TTN: variants seen among roughly 807,000 people sequenced by gnomAD.
TTN encodes the protein titin, also known as connectin.
TTN carries 1,525 observed loss-of-function variants against 3,223.0 expected under a neutral mutation model. The observed-to-expected ratio is 0.47, with a 90% CI of 0.45 to 0.49. TTN has a LOEUF of 0.49. TTN is among the 20% of genes least tolerant of loss of function. The pLI is 0.00. For synonymous variants in TTN, 14,094 were observed against 15,161.0 expected (o/e 0.93, Z 5.17); for missense variants, 40,786 against 43,424.0 (o/e 0.94, Z 5.40).
intron 47 of TTN, chr2:178,750,302 A>G (rs750404581): frequency 1.2e-6 from 2 of 1,613,188 alleles, no homozygotes; most frequent in African/African-American, 2.7e-5. Flanking sequence ...TTTTGCTTTC[A>G]CTTTAAGCAT....
In TTN at chr2:178,599,195, G is replaced by A; in HGVS notation, c.56598C>T (p.Gly18866=). 6.6e-7 allele frequency: 1 copy of A among 1,513,436 alleles called. No homozygotes were observed. Among genetic ancestry groups the A allele is most frequent in the Non-Finnish European group, 8.8e-7 (1 of 1,135,466 alleles). 93.8% of individuals were successfully genotyped at this position (1,513,436 alleles called of 1,614,324 possible). Residue 18866 remains glycine (G), a synonymous_variant, in exon 290 of 363, where the codon GGC becomes GGT. Transcript: ENST00000589042. ...VFRIMAQNKY[G]IGEPLDSEPE... is the part of the protein sequence containing the mutation. ...GTTCACTGTCAAGAGGTTCTCCAATGCCATATTTATTCTGGGCCATGATTC... is the reference window on the plus strand; with the variant it reads ...GTTCACTGTCAAGAGGTTCTCCAATACCATATTTATTCTGGGCCATGATTC...
intron 344 of TTN, among the ~76,000 whole-genome samples, chr2:178,544,933 G>A (rs1397830657): frequency 6.6e-6 from 1 of 152,072 alleles, no homozygotes; most frequent in Non-Finnish European, 1.5e-5. Context: ...TTCCTTTATA[G>A]TTCTTGGGCT....
intron 139 of TTN, 87 bp from the exon 140 acceptor site, chr2:178,680,142 GAAGA>G: frequency 6.3e-7 from 1 of 1,580,966 alleles, no homozygotes. Context: ...ATTTATAACA[GAAGA>G]AAGGACAAGA....
chr2:178,713,026 T>C, intron 93 of TTN, 51 bp from the exon 94 acceptor site: 1 of 1,605,282 alleles, frequency 6.2e-7, no homozygotes, highest in East Asian at 2.2e-5. Context: ...TGAATTGTTA[T>C]GACAAACATG....
At chr2:178,762,351 T>G (rs1201155022) in intron 43 of TTN, among the ~76,000 whole-genome samples, 1 of 152,220 alleles carries the variant, frequency 6.6e-6, no homozygotes. Flanking sequence ...AATGATCTTC[T>G]CAGTTTACAA....
chr2:178,665,343 T>C, intron 165 of TTN, 34 bp downstream of exon 165: 1 of 1,579,506 alleles, frequency 6.3e-7, no homozygotes, highest in South Asian at 1.1e-5. Flanking sequence ...GGACAGATAA[T>C]TTCTTCTTCC....
At position 178,775,217 on chromosome 2, in the gene TTN, TG is replaced by T. The variant is rs1272578253; in HGVS notation, c.6509-16del. 4 of 1,613,374 alleles carry T rather than the reference TG, an allele frequency of 2.5e-6. No homozygotes were observed. The highest frequency in any genetic ancestry group is 3.4e-6 in the Non-Finnish European group (4 of 1,179,840). ...CAATTGCTTGGCTACAAGAAAAAGG[TG>T]GGGGAAAAAGGGGAGAGCACATTAT... On this transcript the variant is annotated splice_polypyrimidine_tract_variant and intron_variant, in intron 28 of 362. Transcript: ENST00000589042.
At chr2:178,704,480 C>G (rs770630793) in intron 105 of TTN, 30 bp downstream of exon 105, 2 of 1,597,778 alleles carry the variant, frequency 1.3e-6, no homozygotes, top group Non-Finnish European at 1.7e-6. Context: ...TTAAATCTCA[C>G]AAGTATTTCA....
At chr2:178,795,423 A>G (rs553382307) in intron 6 of TTN, among the ~76,000 whole-genome samples, 171 bp from the exon 7 acceptor site, 1 of 152,324 alleles carries the variant, frequency 6.6e-6, no homozygotes, top group South Asian at 2.1e-4. Context: ...TTTAAATCTC[A>G]ATAAACCTAT....
chr2:178,679,847 A>G, intron 140 of TTN, 47 bp downstream of exon 140: 1 of 1,602,438 alleles, frequency 6.2e-7, no homozygotes, highest in East Asian at 2.2e-5. Flanking sequence ...AGACCCCCAA[A>G]CTCCAAAGAT....
chr2:178,734,966 C>T lies in TTN; in HGVS notation c.14958G>A (p.Lys4986=), dbSNP rs1356055044. 1.3e-6 allele frequency: 2 copies of T among 1,591,460 alleles called. No homozygotes were observed. Among genetic ancestry groups the T allele is most frequent in the South Asian group, 2.3e-5 (2 of 88,550 alleles). Residue 4986 remains lysine (K), a synonymous_variant, in exon 51 of 363, where the codon AAG becomes AAA. Transcript: ENST00000589042. ...GGAGCATTAAATAAGAGGGATCCAC[C>T]TTCTTCACGAAGGATGGTGGCTCTA... ...TVREPPSFVK[K]VDPSYLMLPG...
chr2:178,675,135 T>G, intron 149 of TTN, 22 bp from the exon 150 acceptor site: 1 of 1,503,014 alleles, frequency 6.7e-7, no homozygotes, highest in South Asian at 1.3e-5. Flanking sequence ...TTGATTATTT[T>G]AGACACTTAA....
chr2:178,615,211 T>G, intron 259 of TTN, 96 bp downstream of exon 259: 1 of 1,432,450 alleles, frequency 7.0e-7, no homozygotes, highest in South Asian at 1.2e-5. Flanking sequence ...CATAGGATTC[T>G]CAATGAAAAA....
Position 178,534,924 on chromosome 2 carries a change from T to C in TTN, c.101691A>G (p.Gly33897=). 1 of 1,611,314 alleles carries C rather than the reference T, an allele frequency of 6.2e-7. No individual in the cohort carries two copies. The highest frequency in any genetic ancestry group is 2.2e-5 in the East Asian group (1 of 44,872). Reference sequence around the variant, plus strand: ...TGTTAATGCGCTCAAATATGTCAAGTCCTGATATAAACTCAAAGATCATAA... The same window carrying C: ...TGTTAATGCGCTCAAATATGTCAAGCCCTGATATAAACTCAAAGATCATAA... ...ELVMIFEFIS[G]LDIFERINTS... Residue 33897 remains glycine, a synonymous_variant, in exon 358 of 363, where the codon GGA becomes GGG. Coordinates refer to ENST00000589042, the MANE Select transcript of TTN (RefSeq NM_001267550.2).
rs1708837698 is a variant in TTN, at chr2:178,573,089, A to C, written c.73043T>G (p.Ile24348Ser). 1 of 1,613,266 alleles carries C rather than the reference A, an allele frequency of 6.2e-7. No individual in the cohort carries two copies. Among genetic ancestry groups the C allele is most frequent in the Non-Finnish European group, 8.5e-7 (1 of 1,179,550 alleles). ...SSISIAWNKP[I>S]YDGGSEITGY... ...AGTGATTTCTGAACCACCATCATAG[A>C]TAGGTTTATTCCAAGCGATTGAAAT... is the stretch of plus-strand genomic sequence containing the variant. The change falls in exon 326 of 363, where the codon ATC (isoleucine) becomes AGC (serine). Residue 24348 changes from isoleucine (I) to serine (S), a missense_variant. Ile to Ser is a moderately radical substitution (Grantham distance 142, BLOSUM62 -2). Coordinates refer to ENST00000589042, the MANE Select transcript of TTN (RefSeq NM_001267550.2).
chr2:178,702,081 A>C lies in TTN; in HGVS notation c.30512-15T>G, dbSNP rs768015674. ...AAGTTTGATTTCTGCAAAATAAAAA[A>C]AAAATGATATTTTTGTGTTCAGAAT... On this transcript the variant is annotated splice_polypyrimidine_tract_variant and intron_variant, in intron 108 of 362. Coordinates refer to ENST00000589042, the MANE Select transcript of TTN (RefSeq NM_001267550.2). The C allele has an allele frequency of 1.5e-5, 24 of 1,612,056 alleles. No individual in the cohort carries two copies. Among genetic ancestry groups the C allele is most frequent in the African/African-American group, 2.7e-5 (2 of 74,758 alleles).
At chr2:178,742,628 T>G (rs897010668) in intron 47 of TTN, among the ~76,000 whole-genome samples, 1 of 152,134 alleles carries the variant, frequency 6.6e-6, no homozygotes, top group Non-Finnish European at 1.5e-5. Context: ...TAAGAAAACC[T>G]ATACAGAACC....
chr2:178,679,307 T>A (rs2154269617), intron 142 of TTN, 32 bp downstream of exon 142: 1 of 1,606,222 alleles, frequency 6.2e-7, no homozygotes, highest in Non-Finnish European at 8.5e-7. Flanking sequence ...TGAATTATCA[T>A]GCTATTCCAC....
intron 351 of TTN, 38 bp from the exon 352 acceptor site, chr2:178,540,004 G>A (rs772760297): frequency 1.1e-5 from 17 of 1,604,690 alleles, no homozygotes; most frequent in South Asian, 2.2e-5. Flanking sequence ...AGCATTTGGG[G>A]TAGGGGGACT....
Sources: gnomAD v4.1 joint callset for allele counts (sites outside exome capture counted in the v4.1 genomes callset) on GRCh38, gnomAD v4.1.1 for gene constraint, MANE v1.5 for transcripts, NCBI Gene and HGNC (gene_info 2026-07-23, HGNC 2026-07-21) for gene names.